RAD51B: variants seen among roughly 807,000 people sequenced by gnomAD.
RAD51B encodes RAD51 paralog B.
A neutral mutation model predicts 42.2 loss-of-function variants in RAD51B; 38 were observed. That is an observed-to-expected ratio of 0.90 (90% CI 0.70 to 1.18). The LOEUF (loss-of-function observed/expected upper bound fraction) is 1.18. Among genes scored for constraint, RAD51B ranks in the 50% most tolerant of loss-of-function variants. The pLI is 0.00. For synonymous variants in RAD51B, 154 were observed against 145.2 expected, an observed-to-expected ratio of 1.06 and a Z score of -0.43; for missense variants, 373 against 400.7, an observed-to-expected ratio of 0.93 and a Z score of 0.59.
chr14:68,137,701 A>G (rs567114558), intron 7 of RAD51B, among the ~76,000 whole-genome samples: 1 of 152,356 alleles, frequency 6.6e-6, no homozygotes, highest in East Asian at 1.9e-4. Flanking sequence ...TACAGTCCAC[A>G]GGTGTTCATG....
chr14:68,352,168 A>G (rs1183734965), intron 8 of RAD51B, among the ~76,000 whole-genome samples: 1 of 152,240 alleles, frequency 6.6e-6, no homozygotes, highest in Non-Finnish European at 1.5e-5. Context: ...ATAAAAGTGG[A>G]TAAATAAATA....
intron 7 of RAD51B, among the ~76,000 whole-genome samples, chr14:68,040,335 T>C (rs60471554): frequency 0.24 from 36,223 of 152,114 alleles, 5,046 homozygotes; most frequent in African/African-American, 0.39. Flanking sequence ...CCTCACCATA[T>C]TTGTTCTATC....
intron 7 of RAD51B, among the ~76,000 whole-genome samples, chr14:68,103,080 A>G (rs1296877014): frequency 1.3e-5 from 2 of 152,026 alleles, no homozygotes; most frequent in Non-Finnish European, 2.9e-5. Flanking sequence ...TGATGCAGTT[A>G]CCTCCCACTG....
intron 11 of RAD51B, among the ~76,000 whole-genome samples, chr14:68,662,768 A>G (rs1892958668): frequency 6.6e-6 from 1 of 152,212 alleles, no homozygotes; most frequent in African/African-American, 2.4e-5. Flanking sequence ...CTAAGCCTTC[A>G]TAAGCCATCC....
intron 10 of RAD51B, among the ~76,000 whole-genome samples, chr14:68,542,646 T>C (rs1158808169): frequency 6.6e-6 from 1 of 152,224 alleles, no homozygotes; most frequent in African/African-American, 2.4e-5. Context: ...AGGAGCCCGT[T>C]GTCAATATTT....
chr14:68,006,929 GT>G (rs1391497827), intron 7 of RAD51B, among the ~76,000 whole-genome samples: 1 of 152,064 alleles, frequency 6.6e-6, no homozygotes, highest in Non-Finnish European at 1.5e-5. Context: ...CAGTTCAGTG[GT>G]TTTTACTTTA....
chr14:68,462,138 A>G (rs772022726), intron 9 of RAD51B, among the ~76,000 whole-genome samples: 1 of 152,228 alleles, frequency 6.6e-6, no homozygotes, highest in Non-Finnish European at 1.5e-5. Context: ...AGGTAGCAGT[A>G]TTTTAATAAG....
At chr14:67,961,007 T>C (rs1291744315) in intron 7 of RAD51B, among the ~76,000 whole-genome samples, 2 of 152,074 alleles carry the variant, frequency 1.3e-5, no homozygotes, top group Non-Finnish European at 2.9e-5. Flanking sequence ...CGTTTGTTCA[T>C]TCATTCATTC....
At chr14:68,079,394 G>C (rs1157098444) in intron 7 of RAD51B, among the ~76,000 whole-genome samples, 2 of 151,918 alleles carry the variant, frequency 1.3e-5, no homozygotes, top group African/African-American at 4.8e-5. Flanking sequence ...TAATATTTTG[G>C]GGCATTTTAA....
intron 4 of RAD51B, among the ~76,000 whole-genome samples, chr14:67,837,429 T>A (rs1488207768): frequency 2.6e-5 from 4 of 152,224 alleles, no homozygotes; most frequent in Non-Finnish European, 5.9e-5. Flanking sequence ...TATTAATTAT[T>A]TTTTAAAATC....
chr14:68,419,140 A>G (rs2084634641), intron 9 of RAD51B, among the ~76,000 whole-genome samples: 1 of 152,216 alleles, frequency 6.6e-6, no homozygotes. Flanking sequence ...GGTGTTCTTC[A>G]GTTTCATACT....
chr14:67,830,970 C>T (rs573097477), intron 3 of RAD51B, among the ~76,000 whole-genome samples: 17 of 149,582 alleles, frequency 1.1e-4, no homozygotes, highest in South Asian at 4.3e-4. Flanking sequence ...CAGGCTCCCA[C>T]GTTCAAGTGA....
chr14:68,458,854 C>T (rs1157638065), intron 9 of RAD51B, among the ~76,000 whole-genome samples: 2 of 152,098 alleles, frequency 1.3e-5, no homozygotes, highest in African/African-American at 4.8e-5. Context: ...TGCCATTTTC[C>T]AGCACTGTAT....
chr14:67,842,052 TA>T, intron 4 of RAD51B, among the ~76,000 whole-genome samples: 1 of 152,362 alleles, frequency 6.6e-6, no homozygotes, highest in East Asian at 1.9e-4. Flanking sequence ...TTGTATCATC[TA>T]TGATTTCTTG....
intron 10 of RAD51B, among the ~76,000 whole-genome samples, chr14:68,504,054 C>T (rs1205145563): frequency 1.3e-5 from 2 of 152,150 alleles, no homozygotes. Flanking sequence ...ATCCCTACGG[C>T]CCCTTCTGAA....
At chr14:68,259,348 GC>G (rs1288665408) in intron 7 of RAD51B, among the ~76,000 whole-genome samples, 6 of 152,064 alleles carry the variant, frequency 3.9e-5, no homozygotes, top group African/African-American at 7.2e-5. Flanking sequence ...TATACCTAAT[GC>G]TAAATGAGGA....
intron 10 of RAD51B, among the ~76,000 whole-genome samples, chr14:68,470,211 G>T (rs1192606612): frequency 6.6e-6 from 1 of 152,160 alleles, no homozygotes; most frequent in Non-Finnish European, 1.5e-5. Context: ...TAAAATGCTT[G>T]GTTAGGAGAC....
intron 7 of RAD51B, among the ~76,000 whole-genome samples, chr14:67,952,646 ATGAAG>A (rs1191955975): frequency 1.3e-5 from 2 of 152,116 alleles, no homozygotes; most frequent in Non-Finnish European, 2.9e-5. Flanking sequence ...TTTAAACTTA[ATGAAG>A]TGAAGTAAGG....
chr14:68,304,478 C>A (rs144453533), intron 8 of RAD51B, among the ~76,000 whole-genome samples: 1 of 152,206 alleles, frequency 6.6e-6, no homozygotes, highest in Non-Finnish European at 1.5e-5. Flanking sequence ...GATCATACAA[C>A]TACCTCAGCT....
Sources: gnomAD v4.1 joint callset for allele counts (sites outside exome capture counted in the v4.1 genomes callset) on GRCh38, gnomAD v4.1.1 for gene constraint, MANE v1.5 for transcripts, NCBI Gene and HGNC (gene_info 2026-07-23, HGNC 2026-07-21) for gene names.